Variants in DPP6 observed in about 807,000 individuals in gnomAD.
The protein encoded by DPP6 is dipeptidyl peptidase like 6.
Under a neutral mutation model 122.6 loss-of-function variants are expected in DPP6, and 69 were observed. That is an observed-to-expected ratio of 0.56 (90% confidence interval 0.46 to 0.69). The LOEUF is 0.69. Among genes scored for constraint, DPP6 ranks in the 30% least tolerant of loss-of-function variants. The pLI is 0.00. For missense variants in DPP6, 928 were observed against 1,116.9 expected, an observed-to-expected ratio of 0.83 and a Z score of 2.41; for synonymous variants, 418 against 433.1, an observed-to-expected ratio of 0.97 and a Z score of 0.43.
At position 154,402,569 on chromosome 7, in the gene DPP6, A is replaced by C. The variant is rs1238692362; in HGVS notation, c.244-43645A>C. ...ACAATGAGAACACATGGACACAGGA[A>C]GGGGAACATCACACTCTGGGGACTG... On this transcript the variant is annotated intron_variant, in intron 1 of 25. Coordinates refer to ENST00000377770, the MANE Select transcript of DPP6 (RefSeq NM_130797.4). 1.4e-3 allele frequency among the ~76,000 whole-genome samples: 194 copies of C among 137,072 alleles called. 1 individual carries two copies. Among genetic ancestry groups the C allele is most frequent in the African/African-American group, 5.1e-3 (185 of 36,132 alleles). The allele number at this position is 137,072 out of a possible 152,430, so 89.9% of individuals were successfully genotyped here.
intron 5 of DPP6, among the ~76,000 whole-genome samples, chr7:154,574,823 G>T (rs1490587344): frequency 7.1e-5 from 5 of 70,102 alleles, no homozygotes; most frequent in Non-Finnish European, 1.2e-4. Flanking sequence ...ATGTGTTTGT[G>T]TGGTGTGTGG....
chr7:153,774,907 G>T, the DPP6 span, among the ~76,000 whole-genome samples: 1 of 152,004 alleles, frequency 6.6e-6, no homozygotes, highest in Admixed American at 6.6e-5. Context: ...GTTCAAGGCT[G>T]CAGTGAGCTA....
chr7:154,814,204 A>T (rs1799270429), intron 16 of DPP6, among the ~76,000 whole-genome samples: 1 of 152,160 alleles, frequency 6.6e-6, no homozygotes, highest in Non-Finnish European at 1.5e-5. Context: ...TTCTAATTAC[A>T]TTATAACAGT....
chr7:153,832,598 G>T, the DPP6 span, among the ~76,000 whole-genome samples: 1 of 152,212 alleles, frequency 6.6e-6, no homozygotes, highest in East Asian at 1.9e-4. Context: ...TACATCATTT[G>T]CCATCAGTGG....
chr7:153,756,525 G>A, the DPP6 span, among the ~76,000 whole-genome samples: 2 of 152,186 alleles, frequency 1.3e-5, no homozygotes, highest in Non-Finnish European at 2.9e-5. Flanking sequence ...GAAGGTTAGT[G>A]AGTCAGCCTG....
chr7:154,787,039 T>C (rs1381138443), intron 10 of DPP6, among the ~76,000 whole-genome samples: 1 of 152,234 alleles, frequency 6.6e-6, no homozygotes, highest in East Asian at 1.9e-4. Context: ...CTGTTGTCTT[T>C]ATTATTGTAC....
chr7:154,470,490 C>T (rs1157352956), intron 2 of DPP6, among the ~76,000 whole-genome samples: 1 of 152,206 alleles, frequency 6.6e-6, no homozygotes. Flanking sequence ...GCATGCCCCT[C>T]CAGCAGCTAT....
At chr7:154,009,928 T>TA (rs1180135493) in intron 1 of DPP6, among the ~76,000 whole-genome samples, 1 of 152,150 alleles carries the variant, frequency 6.6e-6, no homozygotes, top group Non-Finnish European at 1.5e-5. Context: ...TTATGTATCT[T>TA]ACATAGGGAA....
At position 154,092,232 on chromosome 7, in the gene DPP6, C is replaced by T. The variant is rs533021200; in HGVS notation, c.243+39169C>T. 2.6e-5 allele frequency: 4 copies of T among 152,342 alleles called. No homozygotes were observed. In the South Asian group the frequency reaches 6.2e-4, roughly 24 times the overall value. 9.4% of individuals were successfully genotyped at this position (152,342 alleles called of 1,614,324 possible). ...TGCTCCACTTACTTTATTATTTTCT[C>T]TCTTTCTGTATTTACCAATAAAAAG... is the stretch of plus-strand genomic sequence containing the variant. On this transcript the variant is annotated intron_variant, in intron 1 of 25. Coordinates refer to ENST00000377770, the MANE Select transcript of DPP6 (RefSeq NM_130797.4).
At chr7:153,835,427 G>A in the DPP6 span, among the ~76,000 whole-genome samples, 4 of 149,626 alleles carry the variant, frequency 2.7e-5, no homozygotes, top group Admixed American at 6.7e-5. Flanking sequence ...TGTATTTTTC[G>A]TTTCCAGGTT....
At chr7:154,439,919 C>G (rs146195884) in intron 1 of DPP6, among the ~76,000 whole-genome samples, 1 of 152,094 alleles carries the variant, frequency 6.6e-6, no homozygotes, top group African/African-American at 2.4e-5. Context: ...GAGGCGCATA[C>G]GGAAAGGGTG....
intron 13 of DPP6, 127 bp downstream of exon 13, chr7:154,801,589 A>AGGCAG (rs1798370686): frequency 7.5e-7 from 1 of 1,340,970 alleles, no homozygotes; most frequent in Admixed American, 2.8e-5. Flanking sequence ...TGGTTCCCGA[A>AGGCAG]GGCAGGGCAG....
chr7:153,877,417 A>T, the DPP6 span, among the ~76,000 whole-genome samples: 1 of 152,180 alleles, frequency 6.6e-6, no homozygotes, highest in Non-Finnish European at 1.5e-5. Flanking sequence ...TGTACCATAC[A>T]TAATTGTATC....
At chr7:154,257,363 T>A (rs1219723852) in intron 1 of DPP6, among the ~76,000 whole-genome samples, 1 of 152,014 alleles carries the variant, frequency 6.6e-6, no homozygotes, top group Admixed American at 6.6e-5. Context: ...GGGATGTGGA[T>A]TCCCTTCGGC....
chr7:154,480,267 T>G (rs1232861011), intron 3 of DPP6, among the ~76,000 whole-genome samples: 3 of 152,156 alleles, frequency 2.0e-5, no homozygotes, highest in African/African-American at 7.2e-5. Flanking sequence ...CCTGTTCCCC[T>G]TTGCAGCCTG....
intron 5 of DPP6, among the ~76,000 whole-genome samples, chr7:154,621,258 G>A (rs1179441091): frequency 6.6e-6 from 1 of 152,204 alleles, no homozygotes; most frequent in African/African-American, 2.4e-5. Context: ...TTTATGTCAT[G>A]TATTAAAAAT....
At chr7:154,325,977 A>T (rs1197614149) in intron 1 of DPP6, among the ~76,000 whole-genome samples, 3 of 152,210 alleles carry the variant, frequency 2.0e-5, no homozygotes, top group African/African-American at 7.2e-5. Context: ...TTGACCAAAA[A>T]AAAGGATTTC....
rs531857272 is a variant in DPP6, at chr7:154,326,437, A to G, written c.244-119777A>G. ...ATATACTGTCACAAAACAAGGATGC[A>G]GATATAATGATGATAAAATTGAACC... On this transcript the variant is annotated intron_variant, in intron 1 of 25. Transcript: ENST00000377770. 3.3e-5 allele frequency among the ~76,000 whole-genome samples: 5 copies of G among 152,344 alleles called. No individual in the cohort carries two copies. The East Asian group carries it at 9.7e-4, about 29-fold the overall frequency.
At chr7:153,896,542 C>T (rs781074211) in intron 1 of DPP6, among the ~76,000 whole-genome samples, 1 of 152,168 alleles carries the variant, frequency 6.6e-6, no homozygotes, top group Non-Finnish European at 1.5e-5. Flanking sequence ...CAGTGGCTCA[C>T]ACCTGTAATC....
Sources: allele counts gnomAD v4.1 joint callset (sites outside exome capture counted in the v4.1 genomes callset), GRCh38; gene constraint gnomAD v4.1.1; transcripts MANE v1.5; gene names NCBI Gene and HGNC (gene_info 2026-07-23, HGNC 2026-07-21).